Variants in GPC5 observed in about 807,000 individuals in gnomAD.
The protein encoded by GPC5 is glypican-5.
In GPC5, 47 loss-of-function variants were observed where a neutral mutation model predicts 53.9. The ratio of observed to expected loss-of-function variants is 0.87; its 90% confidence interval spans 0.69 to 1.11. The LOEUF (loss-of-function observed/expected upper bound fraction) is 1.11. Ranked by LOEUF, GPC5 falls within the 50% of genes most tolerant of loss-of-function variation. The probability of loss-of-function intolerance (pLI) is 0.00; values close to 1 mark genes in which losing one functional copy is unlikely to be tolerated. For synonymous variants in GPC5, 286 were observed against 263.3 expected (o/e 1.09, Z -0.84); for missense variants, 748 against 713.1 (o/e 1.05, Z -0.56).
chr13:91,895,464 C>A (rs1002211686), intron 5 of GPC5, among the ~76,000 whole-genome samples: 1 of 152,124 alleles, frequency 6.6e-6, no homozygotes, highest in Non-Finnish European at 1.5e-5. Flanking sequence ...AGTCTCTGGG[C>A]AGATATTCTC....
At chr13:91,500,697 T>C (rs1256156373) in intron 2 of GPC5, among the ~76,000 whole-genome samples, 1 of 152,186 alleles carries the variant, frequency 6.6e-6, no homozygotes, top group Non-Finnish European at 1.5e-5. Context: ...TTCTAATCTC[T>C]ACAGAACTAT....
At chr13:91,721,639 A>G (rs922782607) in intron 3 of GPC5, among the ~76,000 whole-genome samples, 3 of 152,240 alleles carry the variant, frequency 2.0e-5, no homozygotes, top group African/African-American at 4.8e-5. Flanking sequence ...CTCTTGCCTC[A>G]TCCCCCTAGG....
chr13:92,144,791 A>G (rs1276266708), intron 6 of GPC5, 39 bp from the exon 7 acceptor site: 5 of 1,578,418 alleles, frequency 3.2e-6, no homozygotes, highest in Admixed American at 1.8e-5. Context: ...TGTTATTCAA[A>G]TTTGCTATTA....
chr13:92,359,224 A>G (rs966890488), intron 7 of GPC5, among the ~76,000 whole-genome samples: 1 of 151,710 alleles, frequency 6.6e-6, no homozygotes, highest in Non-Finnish European at 1.5e-5. Flanking sequence ...ACAGATCTCT[A>G]GAGCAGGGAC....
chr13:92,332,967 G>T (rs184666068), intron 7 of GPC5, among the ~76,000 whole-genome samples: 69 of 152,286 alleles, frequency 4.5e-4, no homozygotes, highest in Non-Finnish European at 8.7e-4. Flanking sequence ...TAAAAGAGGT[G>T]ATGGAAAACA....
intron 7 of GPC5, among the ~76,000 whole-genome samples, chr13:92,525,937 C>T (rs1185195935): frequency 6.6e-6 from 1 of 152,122 alleles, no homozygotes; most frequent in Non-Finnish European, 1.5e-5. Flanking sequence ...TGTCTCTTTA[C>T]TACCTTGATG....
chr13:91,758,451 G>A (rs994108454), intron 5 of GPC5, among the ~76,000 whole-genome samples: 6 of 152,026 alleles, frequency 3.9e-5, no homozygotes, highest in Admixed American at 1.3e-4. Flanking sequence ...ACAGCTGCAA[G>A]AACCTTAATC....
At chr13:92,273,275 T>C (rs949262971) in intron 7 of GPC5, among the ~76,000 whole-genome samples, 2 of 152,108 alleles carry the variant, frequency 1.3e-5, no homozygotes, top group African/African-American at 4.8e-5. Flanking sequence ...ATTGAATTAA[T>C]CAATGGATGA....
intron 7 of GPC5, among the ~76,000 whole-genome samples, chr13:92,817,225 C>A (rs970999784): frequency 1.3e-5 from 2 of 151,930 alleles, no homozygotes; most frequent in Non-Finnish European, 1.5e-5. Flanking sequence ...AATGCTGTTA[C>A]AATGAAGCAG....
chr13:92,119,403 T>G (rs2138941243), intron 6 of GPC5, among the ~76,000 whole-genome samples: 1 of 128,374 alleles, frequency 7.8e-6, no homozygotes, highest in South Asian at 2.8e-4. Flanking sequence ...TTTTTTTTTT[T>G]TTTTTTTTTT....
At chr13:92,764,848 T>G (rs1402979471) in intron 7 of GPC5, among the ~76,000 whole-genome samples, 2 of 152,160 alleles carry the variant, frequency 1.3e-5, no homozygotes, top group Non-Finnish European at 2.9e-5. Context: ...TGTCTAATTT[T>G]ATGGGGAAAG....
chr13:92,774,020 A>T (rs1487995605), intron 7 of GPC5, among the ~76,000 whole-genome samples: 1 of 152,224 alleles, frequency 6.6e-6, no homozygotes, highest in South Asian at 2.1e-4. Context: ...CTTATTCACT[A>T]TCACAAGAAC....
At chr13:92,194,206 A>G (rs2042242375) in intron 7 of GPC5, among the ~76,000 whole-genome samples, 1 of 152,194 alleles carries the variant, frequency 6.6e-6, no homozygotes, top group African/African-American at 2.4e-5. Flanking sequence ...ACAAAACACA[A>G]GGTGATGATC....
chr13:92,601,743 G>C (rs1294218550), intron 7 of GPC5, among the ~76,000 whole-genome samples: 2 of 151,796 alleles, frequency 1.3e-5, no homozygotes, highest in Non-Finnish European at 2.9e-5. Context: ...AGTATTATTA[G>C]ATTTTATTAA....
At chr13:91,440,287 T>C (rs757536334) in intron 1 of GPC5, among the ~76,000 whole-genome samples, 2 of 152,170 alleles carry the variant, frequency 1.3e-5, no homozygotes, top group Non-Finnish European at 2.9e-5. Flanking sequence ...CATCTATCCA[T>C]CCATCTATTT....
chr13:91,601,482 G>C (rs1463587961), intron 2 of GPC5, among the ~76,000 whole-genome samples: 1 of 152,178 alleles, frequency 6.6e-6, no homozygotes, highest in Non-Finnish European at 1.5e-5. Flanking sequence ...TCCGTGGCCT[G>C]TTAGGAACCG....
intron 7 of GPC5, among the ~76,000 whole-genome samples, chr13:92,270,049 A>G (rs562232451): frequency 8.5e-5 from 13 of 152,222 alleles, no homozygotes; most frequent in African/African-American, 3.1e-4. Context: ...GGTTCAGGGA[A>G]GGGTAAGGAG....
chr13:91,825,178 G>A (rs1182086922), intron 5 of GPC5, among the ~76,000 whole-genome samples: 3 of 151,820 alleles, frequency 2.0e-5, no homozygotes, highest in African/African-American at 7.3e-5. Flanking sequence ...GAGACAGAGT[G>A]GAAGAGAAAA....
chr13:92,371,889 T>G (rs964749349), intron 7 of GPC5, among the ~76,000 whole-genome samples: 13 of 152,008 alleles, frequency 8.6e-5, no homozygotes, highest in Non-Finnish European at 2.9e-5. Context: ...AGCAGCAGGG[T>G]CTCAAAGAAT....
Sources: gnomAD v4.1 joint callset for allele counts (sites outside exome capture counted in the v4.1 genomes callset) on GRCh38, gnomAD v4.1.1 for gene constraint, MANE v1.5 for transcripts, NCBI Gene and HGNC (gene_info 2026-07-23, HGNC 2026-07-21) for gene names.